Variants in PDE7B observed in about 807,000 individuals in gnomAD.
The protein encoded by PDE7B is 3',5'-cyclic-AMP phosphodiesterase 7B.
PDE7B carries 29 observed loss-of-function variants against 56.2 expected under a neutral mutation model. The ratio of observed to expected loss-of-function variants is 0.52; its 90% confidence interval spans 0.38 to 0.70. The LOEUF (loss-of-function observed/expected upper bound fraction) is 0.70. Ranked by LOEUF, PDE7B falls within the 30% of genes least tolerant of loss-of-function variation. The pLI is 0.00. For missense variants in PDE7B, 490 were observed against 565.0 expected, an observed-to-expected ratio of 0.87 and a Z score of 1.35; for synonymous variants, 197 against 196.9, an observed-to-expected ratio of 1.00 and a Z score of 0.00.
intron 2 of PDE7B, among the ~76,000 whole-genome samples, chr6:136,022,338 T>C (rs543814455): frequency 2.7e-3 from 411 of 152,344 alleles, no homozygotes; most frequent in Non-Finnish European, 3.6e-3. Flanking sequence ...CTTTGTTACA[T>C]GCTTAGACCA....
intron 2 of PDE7B, among the ~76,000 whole-genome samples, chr6:136,005,128 T>G (rs200915713): frequency 0.088 from 13,320 of 151,980 alleles, 964 homozygotes; most frequent in African/African-American, 0.19. Context: ...TAATAAATGG[T>G]GCTGGGAAAA....
intron 2 of PDE7B, among the ~76,000 whole-genome samples, chr6:135,957,113 C>T (rs958488695): frequency 6.6e-6 from 1 of 151,998 alleles, no homozygotes; most frequent in Non-Finnish European, 1.5e-5. Context: ...AGATGGTCCC[C>T]GTGGGCGAGG....
At chr6:136,038,552 A>G (rs1284398034) in intron 2 of PDE7B, 1 of 1,254,020 alleles carries the variant, frequency 8.0e-7, no homozygotes, top group Admixed American at 2.5e-5. Flanking sequence ...GGGGTGTAAT[A>G]GGTCACAGGA....
intron 2 of PDE7B, among the ~76,000 whole-genome samples, chr6:135,990,196 A>G (rs1409100204): frequency 6.6e-6 from 1 of 151,820 alleles, no homozygotes; most frequent in Non-Finnish European, 1.5e-5. Flanking sequence ...CCTGGGCTCA[A>G]GCAATTCTTC....
chr6:136,003,045 A>T (rs1238403033), intron 2 of PDE7B, among the ~76,000 whole-genome samples: 3 of 151,896 alleles, frequency 2.0e-5, no homozygotes, highest in Admixed American at 6.6e-5. Context: ...GGATTAAGAA[A>T]CTCACTCAAA....
intron 2 of PDE7B, among the ~76,000 whole-genome samples, chr6:135,960,301 T>C (rs1242573069): frequency 6.6e-6 from 1 of 152,222 alleles, no homozygotes; most frequent in Non-Finnish European, 1.5e-5. Flanking sequence ...GAGAAGTGTT[T>C]GACTAATAAC....
At position 135,971,276 on chromosome 6, in the gene PDE7B, G is replaced by T. The variant is rs1583803534; in HGVS notation, c.82+23752G>T. Among the ~76,000 whole-genome samples, 4 of 152,262 alleles carry T rather than the reference G, an allele frequency of 2.6e-5. No individual in the cohort carries two copies. The South Asian group carries it at 8.3e-4, about 32-fold the overall frequency. On this transcript the variant is annotated intron_variant, in intron 2 of 12. Coordinates refer to ENST00000308191, the MANE Select transcript of PDE7B (RefSeq NM_018945.4). ...CCAAAGAGAAAGGCCTGAAACAGAT[G>T]CTTCTCTGAAGGAACCCTCAGAAGG...
chr6:135,886,712 G>A (rs1302567783), intron 1 of PDE7B, among the ~76,000 whole-genome samples: 1 of 152,030 alleles, frequency 6.6e-6, no homozygotes, highest in African/African-American at 2.4e-5. Context: ...ATCCTTTATG[G>A]CCTAGTAGTA....
intron 3 of PDE7B, among the ~76,000 whole-genome samples, chr6:136,119,497 A>G (rs1777893300): frequency 6.6e-6 from 1 of 152,228 alleles, no homozygotes; most frequent in South Asian, 2.1e-4. Context: ...AGAAAACATT[A>G]TTTAACAGGC....
intron 12 of PDE7B, among the ~76,000 whole-genome samples, chr6:136,191,031 T>C (rs1046794845): frequency 1.3e-5 from 2 of 148,792 alleles, no homozygotes; most frequent in Non-Finnish European, 3.0e-5. Flanking sequence ...TTTTTTTTTT[T>C]TTTTTTACTT....
intron 2 of PDE7B, among the ~76,000 whole-genome samples, chr6:136,066,311 T>C (rs781049993): frequency 4.6e-5 from 7 of 152,166 alleles, no homozygotes; most frequent in Non-Finnish European, 7.3e-5. Flanking sequence ...TTGGGTTTGG[T>C]TTGGTCCTTT....
At chr6:135,900,137 GAAA>G (rs949230978) in intron 1 of PDE7B, among the ~76,000 whole-genome samples, 9 of 151,774 alleles carry the variant, frequency 5.9e-5, no homozygotes, top group Non-Finnish European at 1.2e-4. Context: ...TTTAAAAAGG[GAAA>G]ACCCCTGAGA....
At chr6:135,955,178 T>G (rs1448313899) in intron 2 of PDE7B, among the ~76,000 whole-genome samples, 1 of 152,018 alleles carries the variant, frequency 6.6e-6, no homozygotes, top group Non-Finnish European at 1.5e-5. Flanking sequence ...ATATTGAAAT[T>G]CTATCCTCAG....
At chr6:136,112,837 C>T (rs1777770878) in intron 3 of PDE7B, among the ~76,000 whole-genome samples, 1 of 152,122 alleles carries the variant, frequency 6.6e-6, no homozygotes, top group African/African-American at 2.4e-5. Context: ...CAGAGGGAAA[C>T]ACAGTACTAC....
intron 2 of PDE7B, among the ~76,000 whole-genome samples, chr6:136,009,808 A>T (rs149407879): frequency 6.0e-4 from 91 of 152,248 alleles, no homozygotes; most frequent in African/African-American, 2.0e-3. Context: ...TTCTTTTCCT[A>T]ACTGAATAAA....
At chr6:135,928,449 T>TTATATATATA (rs1394319342) in intron 1 of PDE7B, among the ~76,000 whole-genome samples, 9 of 87,928 alleles carry the variant, frequency 1.0e-4, no homozygotes, top group South Asian at 7.0e-4. Flanking sequence ...ATATATATAT[T>TTATATATATA]TATTTATATA....
intron 3 of PDE7B, among the ~76,000 whole-genome samples, chr6:136,134,321 T>TGTA (rs1313903840): frequency 2.0e-5 from 3 of 152,150 alleles, no homozygotes; most frequent in African/African-American, 4.8e-5. Flanking sequence ...TTGCTTTAAA[T>TGTA]GTATGCTGAG....
At chr6:135,864,033 T>C (rs913306727) in intron 1 of PDE7B, among the ~76,000 whole-genome samples, 16 of 152,076 alleles carry the variant, frequency 1.1e-4, no homozygotes, top group African/African-American at 3.9e-4. Context: ...ACTTTCCTAA[T>C]TATGAATTAA....
chr6:135,863,629 A>G (rs753071330), intron 1 of PDE7B, among the ~76,000 whole-genome samples: 9 of 152,068 alleles, frequency 5.9e-5, no homozygotes, highest in Non-Finnish European at 8.8e-5. Context: ...CTTATAAACA[A>G]TTTTAGAACT....
Sources: gnomAD v4.1 joint callset for allele counts (sites outside exome capture counted in the v4.1 genomes callset) on GRCh38, gnomAD v4.1.1 for gene constraint, MANE v1.5 for transcripts, NCBI Gene and HGNC (gene_info 2026-07-23, HGNC 2026-07-21) for gene names.